OTULIN: variants seen among roughly 807,000 people sequenced by gnomAD.
OTULIN encodes the protein ubiquitin thioesterase otulin.
In OTULIN, 15 loss-of-function variants were observed where a neutral mutation model predicts 39.6. The ratio of observed to expected loss-of-function variants is 0.38; its 90% CI spans 0.25 to 0.58. The LOEUF (loss-of-function observed/expected upper bound fraction) is 0.58. OTULIN is among the 20% of genes least tolerant of loss of function. OTULIN has a pLI of 0.66. For synonymous variants in OTULIN, 156 were observed against 170.3 expected (o/e 0.92, Z 0.65); for missense variants, 319 against 445.9 (o/e 0.72, Z 2.56).
At chr5:14,688,115 A>C (rs1736431002) in intron 5 of OTULIN, among the ~76,000 whole-genome samples, 1 of 152,156 alleles carries the variant, frequency 6.6e-6, no homozygotes, top group Admixed American at 6.5e-5. Flanking sequence ...CTGTCCTGAG[A>C]GTTTTTCTGA....
At chr5:14,665,053 G>A (rs932181248) in intron 1 of OTULIN, 76 bp downstream of exon 1, 6 of 941,870 alleles carry the variant, frequency 6.4e-6, no homozygotes, top group Non-Finnish European at 4.9e-6. Context: ...CTGGGGTGGG[G>A]AGTCGTCAGC....
At chr5:14,669,018 A>G (rs531478077) in intron 1 of OTULIN, among the ~76,000 whole-genome samples, 2 of 152,328 alleles carry the variant, frequency 1.3e-5, no homozygotes, top group East Asian at 1.9e-4. Context: ...ACTCAGTTGG[A>G]TATGTTGCCT....
At chr5:14,709,470 A>T in the OTULIN span, 1 of 152,232 alleles carries the variant, frequency 6.6e-6, no homozygotes, top group Non-Finnish European at 1.5e-5. Flanking sequence ...AGCACTGGGT[A>T]CCCAGGAATG....
At chr5:14,666,084 T>G (rs1488562569) in intron 1 of OTULIN, among the ~76,000 whole-genome samples, 1 of 152,216 alleles carries the variant, frequency 6.6e-6, no homozygotes, top group African/African-American at 2.4e-5. Context: ...CCGTGCTGGT[T>G]CCTAATCGCT....
rs1736718825 is a variant in OTULIN, at chr5:14,698,102, C to T, written c.*5054C>T. On this transcript the variant is annotated 3_prime_UTR_variant, in exon 7 of 7. Transcript: ENST00000284274. ...TATTTAATAAGCTTCTTTCTCATTT[C>T]CATTGTTTTTATAAAAATATTTTGG... The T allele has an allele frequency of 6.6e-6, 1 of 152,200 alleles. No homozygotes were observed. Among genetic ancestry groups the T allele is most frequent in the African/African-American group, 2.4e-5 (1 of 41,446 alleles). The allele number at this position is 152,200 out of a possible 1,614,324, so 9.4% of individuals were successfully genotyped here. A position where few individuals can be genotyped will look rare whatever the true frequency, so the allele number is the denominator to read the frequency against.
At chr5:14,709,661 C>CAGTT in the OTULIN span, 1 of 152,472 alleles carries the variant, frequency 6.6e-6, no homozygotes, top group Non-Finnish European at 1.5e-5. Flanking sequence ...ATTTATTCCC[C>CAGTT]AGTTACCCAT....
the OTULIN span, chr5:14,713,684 A>AG: frequency 6.2e-7 from 1 of 1,613,114 alleles, no homozygotes; most frequent in Non-Finnish European, 8.5e-7. This position sits in a 1 kb window ranked among gnomAD's most constrained non-coding sequence, Gnocchi z 4.4. Context: ...GGAGGAGCAA[A>AG]GGACTCGTCA....
chr5:14,712,591 GC>G, the OTULIN span, among the ~76,000 whole-genome samples: 1 of 152,158 alleles, frequency 6.6e-6, no homozygotes, highest in African/African-American at 2.4e-5. Context: ...GCTGAATTTC[GC>G]CCCATCTACG....
At chr5:14,672,980 G>C (rs965095761) in intron 1 of OTULIN, among the ~76,000 whole-genome samples, 1 of 152,092 alleles carries the variant, frequency 6.6e-6, no homozygotes, top group Non-Finnish European at 1.5e-5. Context: ...TCCCTTTGTA[G>C]TACTTAGTGG....
chr5:14,680,733 C>T (rs1164768899), intron 3 of OTULIN, among the ~76,000 whole-genome samples: 1 of 152,182 alleles, frequency 6.6e-6, no homozygotes, highest in Non-Finnish European at 1.5e-5. Flanking sequence ...TTGCTTGTTT[C>T]ACTTCCAGAC....
chr5:14,683,157 T>C (rs1736298201), intron 4 of OTULIN, among the ~76,000 whole-genome samples: 1 of 152,080 alleles, frequency 6.6e-6, no homozygotes, highest in African/African-American at 2.4e-5. Flanking sequence ...GTGGCGCCTG[T>C]AGTGTTAGCT....
the OTULIN span, among the ~76,000 whole-genome samples, chr5:14,715,578 G>A: frequency 6.6e-6 from 1 of 152,234 alleles, no homozygotes; most frequent in Admixed American, 6.5e-5. Context: ...GAATACAAAG[G>A]TCTTCTTCCC....
chr5:14,711,802 C>A, the OTULIN span, among the ~76,000 whole-genome samples: 2 of 152,248 alleles, frequency 1.3e-5, no homozygotes, highest in Admixed American at 6.5e-5. Context: ...CACTTCCCTG[C>A]CATGTTGCCT....
intron 2 of OTULIN, among the ~76,000 whole-genome samples, chr5:14,678,388 G>A (rs115781392): frequency 7.2e-5 from 11 of 152,200 alleles, no homozygotes; most frequent in South Asian, 2.1e-4. Flanking sequence ...CTCTCTGAGC[G>A]CAGGAGTAAT....
chr5:14,714,946 A>G, the OTULIN span, among the ~76,000 whole-genome samples: 2 of 152,226 alleles, frequency 1.3e-5, no homozygotes, highest in Non-Finnish European at 2.9e-5. Flanking sequence ...AGCTGCTTCT[A>G]GATGGTGGCA....
downstream of OTULIN, among the ~76,000 whole-genome samples, chr5:14,701,746 T>C (rs1483276295): frequency 6.6e-6 from 1 of 152,148 alleles, no homozygotes; most frequent in Non-Finnish European, 1.5e-5. Context: ...CTCTTTGGTG[T>C]GAGTGTCGTC....
At chr5:14,688,892 G>T (rs1189928509) in intron 5 of OTULIN, among the ~76,000 whole-genome samples, 2 of 152,060 alleles carry the variant, frequency 1.3e-5, no homozygotes, top group African/African-American at 2.4e-5. Flanking sequence ...GCTTTATTAG[G>T]TTTTTCTACT....
rs1736610136 is a variant in OTULIN, at chr5:14,694,313, G to C, written c.*1265G>C. ...TAAGGGTGGTGACTGGGGTGGTGAA[G>C]GGGCAGCTCTGCTGAGCATGGTCTG... On this transcript the variant is annotated 3_prime_UTR_variant, in exon 7 of 7. Coordinates refer to ENST00000284274, the MANE Select transcript of OTULIN (RefSeq NM_138348.6). The C allele has an allele frequency of 6.6e-6, 1 of 152,296 alleles. No homozygotes were observed. The highest frequency in any genetic ancestry group is 1.5e-5 in the Non-Finnish European group (1 of 68,104). 9.4% of individuals were successfully genotyped at this position (152,296 alleles called of 1,614,324 possible).
At chr5:14,709,352 A>G in the OTULIN span, 3 of 152,354 alleles carry the variant, frequency 2.0e-5, no homozygotes, top group African/African-American at 4.8e-5. Flanking sequence ...AACCACTGCA[A>G]AGCAGCTATG....
Sources: gnomAD v4.1 joint callset for allele counts (sites outside exome capture counted in the v4.1 genomes callset) on GRCh38, gnomAD v4.1.1 for gene constraint, Gnocchi (gnomAD v3.1) non-coding constraint, MANE v1.5 for transcripts, NCBI Gene and HGNC (gene_info 2026-07-23, HGNC 2026-07-21) for gene names.